The following CNTNAP5 variants were observed in gnomAD, a reference collection of about 807,000 sequenced individuals.
CNTNAP5 encodes the protein contactin-associated protein-like 5.
In CNTNAP5, 72 loss-of-function variants were observed where a neutral mutation model predicts 150.2. The ratio of observed to expected loss-of-function variants is 0.48; its 90% CI spans 0.40 to 0.58. CNTNAP5 has a LOEUF of 0.58. Among genes scored for constraint, CNTNAP5 ranks in the 20% least tolerant of loss-of-function variants. The probability of loss-of-function intolerance (pLI) is 0.00; values close to 1 mark genes in which losing one functional copy is unlikely to be tolerated. For missense variants in CNTNAP5, 1,636 were observed against 1,626.2 expected (o/e 1.01, Z -0.10); for synonymous variants, 672 against 619.8 (o/e 1.08, Z -1.25).
intron 1 of CNTNAP5, among the ~76,000 whole-genome samples, chr2:124,093,366 G>C (rs1463383724): frequency 6.6e-6 from 1 of 152,210 alleles, no homozygotes; most frequent in Non-Finnish European, 1.5e-5. Flanking sequence ...ACTGGCACAT[G>C]ATCAATTCAA....
intron 1 of CNTNAP5, among the ~76,000 whole-genome samples, chr2:124,071,129 A>T (rs1163301959): frequency 3.9e-5 from 6 of 152,074 alleles, no homozygotes; most frequent in Admixed American, 6.5e-5. Context: ...GCAATTGAAA[A>T]TTTTTTTGAA....
intron 2 of CNTNAP5, among the ~76,000 whole-genome samples, chr2:124,238,438 A>T (rs1240496648): frequency 6.6e-6 from 1 of 152,184 alleles, no homozygotes; most frequent in Non-Finnish European, 1.5e-5. Flanking sequence ...TAGTTTGCAG[A>T]GTATGAGGCT....
At chr2:124,551,694 C>T (rs1695631487) in intron 10 of CNTNAP5, among the ~76,000 whole-genome samples, 1 of 152,116 alleles carries the variant, frequency 6.6e-6, no homozygotes, top group Admixed American at 6.6e-5. Flanking sequence ...GAGGTTACTC[C>T]ATGGAGCATA....
chr2:124,831,616 C>T (rs1410546292), intron 19 of CNTNAP5, among the ~76,000 whole-genome samples: 1 of 150,638 alleles, frequency 6.6e-6, no homozygotes, highest in Non-Finnish European at 1.5e-5. Flanking sequence ...GAAGCAAGAT[C>T]TTGAATTGTC....
At position 124,512,383 on chromosome 2, in the gene CNTNAP5, TG is replaced by T. The variant is rs547492370; in HGVS notation, c.1327+7833del. Among the ~76,000 whole-genome samples the T allele has an allele frequency of 7.5e-4, 114 of 151,622 alleles. 3 individuals are homozygous for T. The South Asian group carries it at 0.023, about 31-fold the overall frequency. ...ATAAAATGAAATCCAGAAGGGTGGG[TG>T]GGGGGAGAATCCAAACTAAGAGATC... On this transcript the variant is annotated intron_variant, in intron 8 of 23. Transcript: ENST00000682447.
chr2:124,242,735 G>A (rs1433336206), intron 3 of CNTNAP5, among the ~76,000 whole-genome samples: 1 of 152,100 alleles, frequency 6.6e-6, no homozygotes, highest in Non-Finnish European at 1.5e-5. Flanking sequence ...AATTTACTGA[G>A]TGTTTATTGA....
At chr2:124,563,873 G>A (rs1239844605) in intron 11 of CNTNAP5, among the ~76,000 whole-genome samples, 2 of 152,204 alleles carry the variant, frequency 1.3e-5, no homozygotes, top group Non-Finnish European at 2.9e-5. Flanking sequence ...GCTTTTCAAA[G>A]CTTCTACTTG....
intron 19 of CNTNAP5, among the ~76,000 whole-genome samples, chr2:124,813,145 C>T (rs567050138): frequency 4.0e-5 from 6 of 150,990 alleles, no homozygotes; most frequent in East Asian, 2.0e-4. Context: ...GGTGTGATCT[C>T]GGCTCACTGC....
chr2:124,725,622 A>G (rs1680140367), intron 13 of CNTNAP5, among the ~76,000 whole-genome samples: 1 of 152,040 alleles, frequency 6.6e-6, no homozygotes, highest in South Asian at 2.1e-4. Context: ...TATGCAGTAC[A>G]GTAGTATCAA....
intron 3 of CNTNAP5, among the ~76,000 whole-genome samples, chr2:124,322,180 A>G (rs1689119043): frequency 1.6e-5 from 2 of 128,410 alleles, no homozygotes; most frequent in African/African-American, 5.6e-5. Flanking sequence ...AAAATAAAAT[A>G]AAATAAAATA....
intron 21 of CNTNAP5, among the ~76,000 whole-genome samples, chr2:124,884,502 G>A (rs903481331): frequency 9.2e-5 from 14 of 151,964 alleles, no homozygotes; most frequent in Admixed American, 4.6e-4. Context: ...ATCTTGGACT[G>A]TGCTCATGTT....
intron 1 of CNTNAP5, among the ~76,000 whole-genome samples, chr2:124,213,780 A>G (rs1686082241): frequency 6.6e-6 from 1 of 152,220 alleles, no homozygotes; most frequent in South Asian, 2.1e-4. Flanking sequence ...AATCAGTGGC[A>G]ACATCAAAAA....
At chr2:124,798,029 G>A (rs1409706727) in intron 18 of CNTNAP5, 67 bp from the exon 19 acceptor site, 4 of 1,230,744 alleles carry the variant, frequency 3.3e-6, no homozygotes, top group South Asian at 1.3e-5. Context: ...CGAGAAAGCA[G>A]CTAAGGTTAG....
At chr2:124,409,941 TAA>T (rs1310290266) in intron 3 of CNTNAP5, among the ~76,000 whole-genome samples, 7 of 150,272 alleles carry the variant, frequency 4.7e-5, no homozygotes, top group African/African-American at 1.7e-4. Flanking sequence ...GCAAATTGGA[TAA>T]AGAGTCAAGA....
In CNTNAP5 at chr2:124,669,854, G is replaced by A. The variant is rs528064166; in HGVS notation, c.2077+21896G>A. On this transcript the variant is annotated intron_variant, in intron 13 of 23. Transcript: ENST00000682447. ...GATGCAAAACTTAAGCACTGTGTTC[G>A]CTACCTTGGCCATTCCCAGGCCCAA... is the stretch of plus-strand genomic sequence containing the variant. Among the ~76,000 whole-genome samples, 17 of 152,180 alleles carry A rather than the reference G, an allele frequency of 1.1e-4. No homozygotes were observed. In the South Asian group the frequency reaches 3.3e-3, roughly 30 times the overall value.
intron 21 of CNTNAP5, among the ~76,000 whole-genome samples, chr2:124,899,017 G>A (rs960266098): frequency 6.6e-6 from 1 of 151,310 alleles, no homozygotes; most frequent in African/African-American, 2.5e-5. Flanking sequence ...GAAAATTGCT[G>A]ACAGTAGATT....
At position 124,869,709 on chromosome 2, in the gene CNTNAP5, C is replaced by T. The variant is rs1052862523; in HGVS notation, c.3383C>T (p.Ser1128Phe). ...CAACTTCGACTCAGTTATAACTTCTCTCCGGAAGTAGAGTTCAGGGTTATA... is the reference window on the plus strand; with the variant it reads ...CAACTTCGACTCAGTTATAACTTCTTTCCGGAAGTAGAGTTCAGGGTTATA... Reference protein sequence around the residue: ...DQQLRLSYNFSPEVEFRVIRS... With the variant: ...DQQLRLSYNFFPEVEFRVIRS... Residue 1128 changes from serine to phenylalanine, a missense_variant, in exon 21 of 24, where the codon TCT becomes TTT. Transcript: ENST00000682447. 13 of 1,612,424 alleles carry T rather than the reference C, an allele frequency of 8.1e-6. No individual in the cohort carries two copies. Among genetic ancestry groups the T allele is most frequent in the Non-Finnish European group, 1.1e-5 (13 of 1,178,944 alleles).
At chr2:124,359,000 CAG>C (rs1466301505) in intron 3 of CNTNAP5, among the ~76,000 whole-genome samples, 13 of 150,304 alleles carry the variant, frequency 8.6e-5, no homozygotes, top group African/African-American at 2.9e-4. Flanking sequence ...TTGGTCTATT[CAG>C]AGATTCAACT....
At chr2:124,833,990 C>T (rs1419379162) in intron 19 of CNTNAP5, among the ~76,000 whole-genome samples, 1 of 152,140 alleles carries the variant, frequency 6.6e-6, no homozygotes, top group African/African-American at 2.4e-5. Context: ...GTGAACACTG[C>T]TTCTTATGTT....
Sources: gnomAD v4.1 joint callset for allele counts (sites outside exome capture counted in the v4.1 genomes callset) on GRCh38, gnomAD v4.1.1 for gene constraint, MANE v1.5 for transcripts, NCBI Gene and HGNC (gene_info 2026-07-23, HGNC 2026-07-21) for gene names.